WWOX: variants seen among roughly 807,000 people sequenced by gnomAD.
WWOX encodes the protein WW domain containing oxidoreductase.
In WWOX, 69 loss-of-function variants were observed where a neutral mutation model predicts 46.2. The ratio of observed to expected loss-of-function variants is 1.49; its 90% CI spans 1.23 to 1.82. WWOX has a LOEUF of 1.82. WWOX is among the 40% of genes most tolerant of loss of function. The probability of loss-of-function intolerance (pLI) is 0.00; values close to 1 mark genes in which losing one functional copy is unlikely to be tolerated. For synonymous variants in WWOX, 359 were observed against 202.6 expected, an observed-to-expected ratio of 1.77 and a Z score of -6.56; for missense variants, 919 against 542.6, an observed-to-expected ratio of 1.69 and a Z score of -6.89.
At chr16:78,412,144 A>G (rs1204670766) in intron 6 of WWOX, among the ~76,000 whole-genome samples, 1 of 152,188 alleles carries the variant, frequency 6.6e-6, no homozygotes, top group South Asian at 2.1e-4. Context: ...GGGGTTCCTA[A>G]TGAGCCTAGA....
intron 8 of WWOX, among the ~76,000 whole-genome samples, chr16:79,031,900 C>CTA (rs72394888): frequency 2.3e-4 from 15 of 65,894 alleles, no homozygotes; most frequent in African/African-American, 5.8e-4. Flanking sequence ...ATACAGATAT[C>CTA]TATATATATA....
intron 8 of WWOX, among the ~76,000 whole-genome samples, chr16:78,805,366 T>C (rs1051543675): frequency 5.3e-5 from 8 of 152,016 alleles, no homozygotes; most frequent in Admixed American, 1.3e-4. Flanking sequence ...GTTCATGCCA[T>C]TCTCCTGTCT....
At chr16:79,149,123 G>T (rs915767704) in intron 8 of WWOX, among the ~76,000 whole-genome samples, 1 of 152,146 alleles carries the variant, frequency 6.6e-6, no homozygotes, top group African/African-American at 2.4e-5. Flanking sequence ...TAGGGAGGGG[G>T]AAGTTATTTA....
Position 78,131,749 on chromosome 16 carries a change from A to AT in WWOX, c.409+16603dup, listed in dbSNP as rs539305261. On this transcript the variant is annotated intron_variant, in intron 4 of 8. Transcript: ENST00000566780. ...GGTGTGTGTGCCACCACGCCCAGCT[A>AT]TTTTTTTTGTATTTTTAGTAGAGAT... Among the ~76,000 whole-genome samples, 6 of 149,834 alleles carry AT rather than the reference A, an allele frequency of 4.0e-5. No homozygotes were observed. In the East Asian group the frequency reaches 8.1e-4, roughly 20 times the overall value.
chr16:78,614,963 A>C (rs1255221043), intron 8 of WWOX, among the ~76,000 whole-genome samples: 1 of 152,096 alleles, frequency 6.6e-6, no homozygotes, highest in Non-Finnish European at 1.5e-5. Context: ...CAGTTGATAC[A>C]TGTTTAATCA....
intron 8 of WWOX, among the ~76,000 whole-genome samples, chr16:78,622,964 T>C (rs1321784645): frequency 2.6e-5 from 4 of 152,116 alleles, no homozygotes; most frequent in East Asian, 1.9e-4. Flanking sequence ...ATTTGGCTTC[T>C]AGGAGCTGAG....
At chr16:78,630,391 TA>T (rs914678816) in intron 8 of WWOX, among the ~76,000 whole-genome samples, 17 of 152,128 alleles carry the variant, frequency 1.1e-4, no homozygotes, top group Admixed American at 1.0e-3. Flanking sequence ...GTACCAAAAA[TA>T]GGGCTCATGT....
intron 8 of WWOX, among the ~76,000 whole-genome samples, chr16:78,665,797 A>T (rs1247321009): frequency 1.3e-5 from 2 of 151,968 alleles, no homozygotes; most frequent in Admixed American, 6.5e-5. Context: ...TGATTCTCCT[A>T]CCTCAGACTC....
intron 8 of WWOX, among the ~76,000 whole-genome samples, chr16:78,747,620 C>G (rs558658552): frequency 6.6e-6 from 1 of 152,232 alleles, no homozygotes; most frequent in South Asian, 2.1e-4. Context: ...CGAATTCAAA[C>G]CCTGCCTCTC....
chr16:79,095,141 A>G (rs1034870031), intron 8 of WWOX, among the ~76,000 whole-genome samples: 1 of 152,216 alleles, frequency 6.6e-6, no homozygotes, highest in African/African-American at 2.4e-5. Flanking sequence ...CCAATGCCTT[A>G]GAATCTACTT....
At chr16:78,943,323 C>G (rs562193846) in intron 8 of WWOX, among the ~76,000 whole-genome samples, 2 of 147,096 alleles carry the variant, frequency 1.4e-5, no homozygotes, top group South Asian at 4.2e-4. Flanking sequence ...AAAAGCAACC[C>G]GAGATCCAAA....
intron 5 of WWOX, among the ~76,000 whole-genome samples, chr16:78,227,222 C>A (rs563489747): frequency 1.9e-4 from 29 of 152,262 alleles, no homozygotes; most frequent in Non-Finnish European, 3.5e-4. Context: ...TTACCTCTTG[C>A]GAATTGTACG....
intron 8 of WWOX, among the ~76,000 whole-genome samples, chr16:78,978,254 T>C (rs2046612182): frequency 6.6e-6 from 1 of 152,246 alleles, no homozygotes; most frequent in Admixed American, 6.5e-5. Context: ...CATGGGCATT[T>C]GGGTTATTTC....
chr16:79,115,475 C>T (rs927100088), intron 8 of WWOX, among the ~76,000 whole-genome samples: 3 of 152,120 alleles, frequency 2.0e-5, no homozygotes, highest in African/African-American at 4.8e-5. Flanking sequence ...TATAAGCCAG[C>T]CACACATTTG....
intron 8 of WWOX, among the ~76,000 whole-genome samples, chr16:78,875,169 T>C (rs193019401): frequency 6.6e-6 from 1 of 152,304 alleles, no homozygotes; most frequent in African/African-American, 2.4e-5. Context: ...TGTTGCAAGA[T>C]TGCATGAGAT....
intron 4 of WWOX, chr16:78,145,927 G>A (rs3850111): frequency 0.17 from 25,742 of 152,112 alleles, 2,257 homozygotes; most frequent in East Asian, 0.22. Context: ...TTCAGCTCGT[G>A]AGAATCGTAA....
chr16:79,028,067 C>T (rs370782287), intron 8 of WWOX, among the ~76,000 whole-genome samples: 2 of 151,776 alleles, frequency 1.3e-5, no homozygotes, highest in Admixed American at 1.3e-4. Flanking sequence ...TTCTCCTGCT[C>T]TGCCTCCCGA....
At chr16:78,977,786 C>G (rs1365488033) in intron 8 of WWOX, among the ~76,000 whole-genome samples, 1 of 152,122 alleles carries the variant, frequency 6.6e-6, no homozygotes, top group Non-Finnish European at 1.5e-5. Flanking sequence ...AACATGCACT[C>G]CCATCCCAGC....
chr16:78,932,682 T>A (rs1290380694), intron 8 of WWOX, among the ~76,000 whole-genome samples: 1 of 152,202 alleles, frequency 6.6e-6, no homozygotes, highest in Non-Finnish European at 1.5e-5. Flanking sequence ...TGGGAGGACC[T>A]GGTGGAGTTA....
Sources: gnomAD v4.1 joint callset for allele counts (sites outside exome capture counted in the v4.1 genomes callset) on GRCh38, gnomAD v4.1.1 for gene constraint, MANE v1.5 for transcripts, NCBI Gene and HGNC (gene_info 2026-07-23, HGNC 2026-07-21) for gene names.